Variants in CADPS2 observed in about 807,000 individuals in gnomAD.
CADPS2 encodes the protein calcium dependent secretion activator 2.
In CADPS2, 93 loss-of-function variants were observed where a neutral mutation model predicts 172.5. The observed-to-expected ratio is 0.54, with a 90% CI of 0.46 to 0.64. The LOEUF (loss-of-function observed/expected upper bound fraction) is 0.64. Ranked by LOEUF, CADPS2 falls within the 30% of genes least tolerant of loss-of-function variation. The pLI is 0.00. For synonymous variants in CADPS2, 546 were observed against 555.2 expected, an observed-to-expected ratio of 0.98 and a Z score of 0.23; for missense variants, 1,420 against 1,565.9, an observed-to-expected ratio of 0.91 and a Z score of 1.57.
intron 28 of CADPS2, among the ~76,000 whole-genome samples, chr7:122,327,409 TAC>T (rs1342296431): frequency 5.9e-5 from 9 of 152,036 alleles, no homozygotes; most frequent in East Asian, 3.9e-4. Context: ...TCTTAAAAAT[TAC>T]AGTTATTTTG....
At chr7:122,834,726 C>A (rs781158896) in intron 1 of CADPS2, among the ~76,000 whole-genome samples, 5 of 152,134 alleles carry the variant, frequency 3.3e-5, no homozygotes, top group Non-Finnish European at 7.4e-5. Context: ...AAGGCGGCAG[C>A]GAGGCTGGGG....
intron 2 of CADPS2, among the ~76,000 whole-genome samples, chr7:122,683,913 G>T (rs2083343965): frequency 6.6e-6 from 1 of 152,040 alleles, no homozygotes; most frequent in Non-Finnish European, 1.5e-5. Context: ...GAGTTAGTGT[G>T]GGGGTGTGTG....
At chr7:122,734,387 G>GAAAAAAAAAAAAAAA (rs768675808) in intron 2 of CADPS2, among the ~76,000 whole-genome samples, 1 of 90,800 alleles carries the variant, frequency 1.1e-5, no homozygotes, top group Non-Finnish European at 2.1e-5. Context: ...AAAAAAAAAA[G>GAAAAAAAAAAAAAAA]AAAAAAAAAA....
At chr7:122,875,396 A>G (rs1820939755) in intron 1 of CADPS2, among the ~76,000 whole-genome samples, 1 of 152,240 alleles carries the variant, frequency 6.6e-6, no homozygotes, top group Non-Finnish European at 1.5e-5. Flanking sequence ...GAATCAAAAC[A>G]TATGAATTAA....
intron 7 of CADPS2, among the ~76,000 whole-genome samples, chr7:122,566,211 G>A (rs1299560951): frequency 1.3e-5 from 2 of 151,954 alleles, no homozygotes; most frequent in African/African-American, 4.8e-5. Context: ...CACCTGAATG[G>A]CTATTACCAA....
Position 122,438,357 on chromosome 7 carries a change from T to C in CADPS2, c.2460A>G (p.Glu820=), listed in dbSNP as rs543416241. 10 of 1,613,000 alleles carry C rather than the reference T, an allele frequency of 6.2e-6. No individual in the cohort carries two copies. Among genetic ancestry groups the C allele is most frequent in the Admixed American group, 1.7e-5 (1 of 59,954 alleles). The change falls in exon 17 of 30, where the codon GAA becomes GAG. Residue 820 remains glutamate, a synonymous_variant. Coordinates refer to ENST00000449022, the MANE Select transcript of CADPS2 (RefSeq NM_017954.11). ...AALINYTRLT[E]YAKIEETMNQ... Reference sequence around the variant, plus strand: ...TGCACTGACCTTCTATTTTGGCATATTCTGTGAGTCTAGTGTAATTGATCA... The same window carrying C: ...TGCACTGACCTTCTATTTTGGCATACTCTGTGAGTCTAGTGTAATTGATCA...
intron 20 of CADPS2, among the ~76,000 whole-genome samples, chr7:122,404,227 G>A (rs929757447): frequency 6.6e-6 from 1 of 151,792 alleles, no homozygotes; most frequent in African/African-American, 2.4e-5. Flanking sequence ...CCACCTATCA[G>A]TGAGAATATA....
chr7:122,339,465 A>T (rs757100433), intron 28 of CADPS2, among the ~76,000 whole-genome samples: 5 of 152,244 alleles, frequency 3.3e-5, no homozygotes, highest in Non-Finnish European at 5.9e-5. Flanking sequence ...GATTTCAACT[A>T]TTCTTAGGAA....
chr7:122,455,926 C>T (rs184016884), intron 14 of CADPS2, among the ~76,000 whole-genome samples: 17 of 152,242 alleles, frequency 1.1e-4, no homozygotes, highest in African/African-American at 2.4e-5. Context: ...TGGTCTCGAA[C>T]TCCTGGCCTC....
At position 122,663,405 on chromosome 7, in the gene CADPS2, T is replaced by G; in HGVS notation, c.618A>C (p.Lys206Asn). Reference sequence around the variant, plus strand: ...CTTCACCTCTGTAAATGGCATCATATTTGGCTATCCATGAGCTCAACACTG... The same window carrying G: ...CTTCACCTCTGTAAATGGCATCATAGTTGGCTATCCATGAGCTCAACACTG... Reference protein sequence around the residue: ...KETVLSSWIAKYDAIYRGEED... With the variant: ...KETVLSSWIANYDAIYRGEED... The change falls in exon 3 of 30, where the codon AAA becomes AAC. Residue 206 changes from lysine to asparagine, a missense_variant. By Grantham distance (94) the Lys-to-Asn change is moderately conservative. Transcript: ENST00000449022. 5 of 1,614,026 alleles carry G rather than the reference T, an allele frequency of 3.1e-6. No individual in the cohort carries two copies. The highest frequency in any genetic ancestry group is 3.4e-6 in the Non-Finnish European group (4 of 1,179,902).
intron 8 of CADPS2, among the ~76,000 whole-genome samples, chr7:122,551,368 T>C (rs1031593270): frequency 2.6e-5 from 4 of 152,052 alleles, no homozygotes; most frequent in Non-Finnish European, 5.9e-5. Context: ...TATCTCTGAT[T>C]ATACACTGTG....
intron 17 of CADPS2, among the ~76,000 whole-genome samples, chr7:122,425,072 C>A (rs1351405982): frequency 6.6e-6 from 1 of 152,034 alleles, no homozygotes; most frequent in Non-Finnish European, 1.5e-5. Context: ...CTCGAACCCC[C>A]AGGCCCCAGG....
chr7:122,418,772 T>G (rs769620966), intron 17 of CADPS2, among the ~76,000 whole-genome samples: 2 of 152,178 alleles, frequency 1.3e-5, no homozygotes. Context: ...TGATGATGTA[T>G]GGTTGATAAA....
chr7:122,451,577 A>G (rs972907915), intron 14 of CADPS2, 102 bp from the exon 15 acceptor site: 10 of 595,246 alleles, frequency 1.7e-5, no homozygotes, highest in Non-Finnish European at 2.8e-5. Context: ...AGTTCACTGT[A>G]TACATATTAA....
intron 1 of CADPS2, among the ~76,000 whole-genome samples, chr7:122,811,177 C>A (rs1799946769): frequency 6.6e-6 from 1 of 152,140 alleles, no homozygotes; most frequent in Admixed American, 6.5e-5. Context: ...AATGTGCTAC[C>A]CATATAATCT....
chr7:122,371,470 GACTC>G (rs2151269570), intron 25 of CADPS2, among the ~76,000 whole-genome samples: 1 of 152,188 alleles, frequency 6.6e-6, no homozygotes, highest in African/African-American at 2.4e-5. Flanking sequence ...GATCTTGTGA[GACTC>G]ACTCACTATC....
intron 11 of CADPS2, among the ~76,000 whole-genome samples, chr7:122,481,773 G>A (rs1296722039): frequency 6.6e-6 from 1 of 151,766 alleles, no homozygotes; most frequent in Non-Finnish European, 1.5e-5. Context: ...CACTTTGGCA[G>A]GCCAAGGCTG....
At chr7:122,774,271 C>T (rs1254247887) in intron 1 of CADPS2, among the ~76,000 whole-genome samples, 17 of 39,072 alleles carry the variant, frequency 4.4e-4, no homozygotes, top group African/African-American at 1.8e-3. Flanking sequence ...GATAGATATA[C>T]ACACACACAC....
intron 1 of CADPS2, among the ~76,000 whole-genome samples, chr7:122,789,016 G>A (rs1314248939): frequency 3.9e-5 from 6 of 152,150 alleles, no homozygotes; most frequent in Non-Finnish European, 8.8e-5. Context: ...CTTGACCTCT[G>A]TAACTCTTGG....
Sources: gnomAD v4.1 joint callset for allele counts (sites outside exome capture counted in the v4.1 genomes callset) on GRCh38, gnomAD v4.1.1 for gene constraint, MANE v1.5 for transcripts, NCBI Gene and HGNC (gene_info 2026-07-23, HGNC 2026-07-21) for gene names.